MMP26: variants seen among roughly 807,000 people sequenced by gnomAD.
MMP26 encodes matrix metalloproteinase-26.
A neutral mutation model predicts 31.0 loss-of-function variants in MMP26; 33 were observed. The ratio of observed to expected loss-of-function variants is 1.06; its 90% CI spans 0.81 to 1.42. The LOEUF (loss-of-function observed/expected upper bound fraction) is 1.42. MMP26 is among the 40% of genes most tolerant of loss of function. The pLI is 0.00. For synonymous variants in MMP26, 122 were observed against 114.9 expected (o/e 1.06, Z -0.40); for missense variants, 347 against 316.1 (o/e 1.10, Z -0.74).
chr11:4,801,059 T>C (rs575332046), intron 2 of MMP26, among the ~76,000 whole-genome samples: 39 of 152,342 alleles, frequency 2.6e-4, no homozygotes, highest in African/African-American at 7.9e-4. Flanking sequence ...ATTTCTTCAC[T>C]TCAAGTTCAT....
intron 2 of MMP26, among the ~76,000 whole-genome samples, chr11:4,931,133 A>T (rs1851340933): frequency 6.6e-6 from 1 of 151,970 alleles, no homozygotes; most frequent in African/African-American, 2.4e-5. Context: ...GAGGAAGATA[A>T]ATGTTCGATA....
chr11:4,796,831 C>T (rs965985512), intron 2 of MMP26, among the ~76,000 whole-genome samples: 13 of 152,008 alleles, frequency 8.6e-5, no homozygotes, highest in African/African-American at 3.1e-4. Context: ...GCCCTAATGT[C>T]CAGGAACCTT....
At chr11:4,712,912 T>C (rs1847880415) in intron 1 of MMP26, among the ~76,000 whole-genome samples, 1 of 152,106 alleles carries the variant, frequency 6.6e-6, no homozygotes, top group South Asian at 2.1e-4. Flanking sequence ...CATTTTGCTT[T>C]TATTTATAGT....
chr11:4,850,497 A>G (rs1849959822), intron 2 of MMP26, among the ~76,000 whole-genome samples: 1 of 152,196 alleles, frequency 6.6e-6, no homozygotes, highest in African/African-American at 2.4e-5. Flanking sequence ...TTTAACAAGA[A>G]GGACTGGACA....
At position 4,957,705 on chromosome 11, in the gene MMP26, T is replaced by TA; in HGVS notation, c.-144-30362dup. Among the ~76,000 whole-genome samples the TA allele has an allele frequency of 4.6e-5, 7 of 151,872 alleles. 1 individual carries two copies. The highest frequency in any genetic ancestry group is 4.6e-4 in the Admixed American group (7 of 15,244). On this transcript the variant is annotated intron_variant, in intron 2 of 7. Transcript: ENST00000380390. ...TTTTTTTTTCTTTTTTTTTTGGAGATAGAGTCTCACTCTGTCACCCAGGTT... is the reference window on the plus strand; with the variant it reads ...TTTTTTTTTCTTTTTTTTTTGGAGATAAGAGTCTCACTCTGTCACCCAGGTT...
intron 1 of MMP26, among the ~76,000 whole-genome samples, chr11:4,731,060 T>C (rs1399734207): frequency 6.6e-6 from 1 of 152,178 alleles, no homozygotes; most frequent in African/African-American, 2.4e-5. Context: ...TTCTCCTGCC[T>C]CAGCCTCTCG....
intron 2 of MMP26, among the ~76,000 whole-genome samples, chr11:4,939,364 C>T (rs1485126214): frequency 6.6e-6 from 1 of 151,998 alleles, no homozygotes; most frequent in East Asian, 1.9e-4. Context: ...TGATTTTTAC[C>T]TCTTGGTTTG....
At chr11:4,782,664 G>T (rs1438641989) in intron 2 of MMP26, among the ~76,000 whole-genome samples, 1 of 152,186 alleles carries the variant, frequency 6.6e-6, no homozygotes, top group Non-Finnish European at 1.5e-5. Context: ...TCCAGGGCAT[G>T]TCAGAGACCT....
intron 1 of MMP26, chr11:4,723,917 C>T: frequency 1.0e-6 from 1 of 984,878 alleles, no homozygotes; most frequent in Non-Finnish European, 1.6e-6. Flanking sequence ...GTGCGCATGG[C>T]CTGGATGTTG....
chr11:4,725,248 T>C (rs1182718302), intron 1 of MMP26, among the ~76,000 whole-genome samples: 1 of 152,206 alleles, frequency 6.6e-6, no homozygotes, highest in African/African-American at 2.4e-5. Flanking sequence ...CAGGTATTTA[T>C]AGCAGTGTGA....
intron 2 of MMP26, chr11:4,915,443 A>T: frequency 6.2e-7 from 1 of 1,614,126 alleles, no homozygotes. Flanking sequence ...ACCCAGGTCA[A>T]TCAGAGCCAG....
intron 2 of MMP26, chr11:4,882,964 G>C: frequency 1.8e-6 from 2 of 1,109,566 alleles, no homozygotes; most frequent in Non-Finnish European, 2.6e-6. Context: ...TGTTTTGGTT[G>C]CTGAGTCAAT....
intron 2 of MMP26, chr11:4,877,850 AT>A (rs1850404954): frequency 1.3e-5 from 2 of 152,178 alleles, no homozygotes; most frequent in African/African-American, 4.8e-5. Flanking sequence ...AAACATAAAC[AT>A]TTATACTTTA....
chr11:4,714,658 G>T (rs912779936), intron 1 of MMP26, among the ~76,000 whole-genome samples: 3 of 152,126 alleles, frequency 2.0e-5, no homozygotes, highest in African/African-American at 7.2e-5. Context: ...GCTAGCTCTA[G>T]GTGGCAGAGA....
chr11:4,969,198 A>T (rs1053415910), intron 2 of MMP26, among the ~76,000 whole-genome samples: 2 of 152,056 alleles, frequency 1.3e-5, no homozygotes, highest in Non-Finnish European at 2.9e-5. Context: ...TTCTAGAGGC[A>T]TATACTTACT....
At chr11:4,835,781 G>C (rs1278699871) in intron 2 of MMP26, among the ~76,000 whole-genome samples, 4 of 152,054 alleles carry the variant, frequency 2.6e-5, no homozygotes, top group African/African-American at 9.7e-5. Flanking sequence ...TGGAGCTGGG[G>C]GAAGATTAAA....
At chr11:4,848,804 G>C (rs149309964) in intron 2 of MMP26, 1 of 1,614,108 alleles carries the variant, frequency 6.2e-7, no homozygotes, top group East Asian at 2.2e-5. Context: ...GGAGAGGTCG[G>C]CAGATGGCCA....
At chr11:4,784,209 G>A (rs1324995557) in intron 2 of MMP26, among the ~76,000 whole-genome samples, 2 of 152,100 alleles carry the variant, frequency 1.3e-5, no homozygotes, top group East Asian at 1.9e-4. Flanking sequence ...TTTCAGCTGG[G>A]GCAGTGATCA....
chr11:4,738,348 T>C (rs984677616), intron 1 of MMP26, among the ~76,000 whole-genome samples: 3 of 152,198 alleles, frequency 2.0e-5, no homozygotes, highest in Admixed American at 1.3e-4. Context: ...CAGGAGGACA[T>C]GAAGCACCTT....
Sources: gnomAD v4.1 joint callset for allele counts (sites outside exome capture counted in the v4.1 genomes callset) on GRCh38, gnomAD v4.1.1 for gene constraint, MANE v1.5 for transcripts, NCBI Gene and HGNC (gene_info 2026-07-23, HGNC 2026-07-21) for gene names.